SHROOM3: variants seen among roughly 807,000 people sequenced by gnomAD.
SHROOM3 encodes shroom family member 3, also known as protein Shroom3.
SHROOM3 carries 47 observed loss-of-function variants against 138.6 expected under a neutral mutation model. That is an observed-to-expected ratio of 0.34 (90% CI 0.27 to 0.43). SHROOM3 has a LOEUF of 0.43. Ranked by LOEUF, SHROOM3 falls within the 20% of genes least tolerant of loss-of-function variation. The pLI is 1.00. For missense variants in SHROOM3, 2,491 were observed against 2,596.5 expected, an observed-to-expected ratio of 0.96 and a Z score of 0.88; for synonymous variants, 1,062 against 1,063.3, an observed-to-expected ratio of 1.00 and a Z score of 0.02.
At chr4:76,754,044 G>T (rs1721719928) in intron 6 of SHROOM3, among the ~76,000 whole-genome samples, 1 of 152,134 alleles carries the variant, frequency 6.6e-6, no homozygotes, top group African/African-American at 2.4e-5. Flanking sequence ...CAGGATGTGG[G>T]GGCGGTGAGA....
chr4:76,579,295 T>C lies in SHROOM3; in HGVS notation c.323+23532T>C, dbSNP rs183199590. ...CATCCTGGCTAACACGGTGAAACCC[T>C]GTCTCTACTAAAAATGCAAAACATT... On this transcript the variant is annotated intron_variant, in intron 2 of 10. Transcript: ENST00000296043. Among the ~76,000 whole-genome samples, 34 of 151,814 alleles carry C rather than the reference T, an allele frequency of 2.2e-4. No individual in the cohort carries two copies. In the East Asian group the frequency reaches 4.1e-3, roughly 18 times the overall value.
chr4:76,626,148 G>A (rs999629822), intron 2 of SHROOM3, among the ~76,000 whole-genome samples: 6 of 152,184 alleles, frequency 3.9e-5, no homozygotes, highest in African/African-American at 9.7e-5. Flanking sequence ...AAGCACGTAC[G>A]TAGGGCTGCT....
intron 2 of SHROOM3, among the ~76,000 whole-genome samples, chr4:76,611,278 C>T (rs1399418544): frequency 1.3e-5 from 2 of 151,344 alleles, no homozygotes; most frequent in Non-Finnish European, 2.9e-5. Context: ...CTCTTAAAGT[C>T]TGCGTTCTCA....
chr4:76,533,876 T>A (rs2110016968), intron 1 of SHROOM3, among the ~76,000 whole-genome samples: 1 of 152,340 alleles, frequency 6.6e-6, no homozygotes, highest in East Asian at 1.9e-4. Context: ...CACTCCCGTG[T>A]CTCGAGTAGT....
chr4:76,604,719 T>C (rs766914056), intron 2 of SHROOM3, among the ~76,000 whole-genome samples: 2 of 152,212 alleles, frequency 1.3e-5, no homozygotes, highest in African/African-American at 2.4e-5. Context: ...TAAGGCAGTA[T>C]AGGAAACAGA....
chr4:76,676,115 G>T (rs1425724257), intron 2 of SHROOM3, among the ~76,000 whole-genome samples: 2 of 149,260 alleles, frequency 1.3e-5, no homozygotes, highest in African/African-American at 5.0e-5. Flanking sequence ...GATCTCGTTG[G>T]GAATACAGGG....
intron 9 of SHROOM3, among the ~76,000 whole-genome samples, chr4:76,766,375 T>A (rs1299700239): frequency 6.6e-6 from 1 of 152,170 alleles, no homozygotes; most frequent in African/African-American, 2.4e-5. Flanking sequence ...CCTTGTCCAG[T>A]GTTCATCCTG....
intron 2 of SHROOM3, chr4:76,637,589 G>A (rs1425343060): frequency 6.6e-6 from 1 of 152,302 alleles, no homozygotes; most frequent in East Asian, 1.9e-4. Flanking sequence ...TTAGAAGCTG[G>A]TGGTAACTTC....
At chr4:76,569,982 A>G (rs1401713997) in intron 2 of SHROOM3, among the ~76,000 whole-genome samples, 1 of 151,638 alleles carries the variant, frequency 6.6e-6, no homozygotes, top group East Asian at 1.9e-4. Context: ...CATTTGAGCA[A>G]CTCCGTGGTT....
Position 76,601,590 on chromosome 4 carries a change from C to T in SHROOM3, c.323+45827C>T, listed in dbSNP as rs548810102. On this transcript the variant is annotated intron_variant, in intron 2 of 10. Coordinates refer to ENST00000296043, the MANE Select transcript of SHROOM3 (RefSeq NM_020859.4). The stretch of plus-strand genomic sequence containing the variant: ...CGTGATCTCAGCTCACTGCAACCTC[C>T]GCCTCCCAGGTTCAAGCGATTCTCC... Among the ~76,000 whole-genome samples, 759 of 152,250 alleles carry T rather than the reference C, an allele frequency of 5.0e-3. 4 individuals carry two copies. Among genetic ancestry groups the T allele is most frequent in the Admixed American group, 9.0e-3 (137 of 15,286 alleles).
chr4:76,713,938 G>A (rs1375620930), intron 3 of SHROOM3, among the ~76,000 whole-genome samples: 1 of 152,140 alleles, frequency 6.6e-6, no homozygotes, highest in African/African-American at 2.4e-5. Context: ...AACTGTTACT[G>A]ATATGGGACT....
chr4:76,682,516 G>C (rs1719226968), intron 2 of SHROOM3, among the ~76,000 whole-genome samples: 1 of 152,046 alleles, frequency 6.6e-6, no homozygotes, highest in Non-Finnish European at 1.5e-5. Flanking sequence ...ACTACACTGT[G>C]AGTTCCTTGA....
At chr4:76,707,346 C>T (rs1273464368) in intron 2 of SHROOM3, among the ~76,000 whole-genome samples, 3 of 152,332 alleles carry the variant, frequency 2.0e-5, no homozygotes, top group Middle Eastern at 6.8e-3. Flanking sequence ...CATAACTTCT[C>T]TGTATCTCAG....
chr4:76,438,404 G>A (rs1730603056), intron 1 of SHROOM3, among the ~76,000 whole-genome samples: 1 of 152,158 alleles, frequency 6.6e-6, no homozygotes, highest in Admixed American at 6.5e-5. Flanking sequence ...GTCCAATATG[G>A]TGGCCCACAG....
intron 1 of SHROOM3, among the ~76,000 whole-genome samples, chr4:76,448,774 C>T (rs1444582780): frequency 1.3e-5 from 2 of 152,180 alleles, no homozygotes; most frequent in East Asian, 3.9e-4. Context: ...AGATGACCAC[C>T]ATTTAGAGAA....
intron 5 of SHROOM3, among the ~76,000 whole-genome samples, chr4:76,745,079 A>C (rs1354584978): frequency 6.6e-6 from 1 of 152,144 alleles, no homozygotes. Flanking sequence ...GCAACCTTCT[A>C]TTTTCCTCTC....
intron 2 of SHROOM3, among the ~76,000 whole-genome samples, chr4:76,691,256 A>C (rs1449220278): frequency 1.3e-5 from 2 of 152,338 alleles, no homozygotes; most frequent in Middle Eastern, 6.8e-3. Context: ...TTTTAAGAAT[A>C]GGATAAACAT....
intron 2 of SHROOM3, among the ~76,000 whole-genome samples, chr4:76,592,963 A>C (rs1324693507): frequency 6.6e-6 from 1 of 152,154 alleles, no homozygotes; most frequent in East Asian, 1.9e-4. Flanking sequence ...CTTCCTGGAC[A>C]CCCCTTTGAA....
Position 76,754,762 on chromosome 4 carries a change from C to A in SHROOM3, c.4279C>A (p.Pro1427Thr). ...RKRVSLPQWP[P>T]PSRAKWAHAA... ...GAGGGTCTCGCTGCCTCAGTGGCCA[C>A]CTCCTTCTCGAGCAAAGTGGGCCCA... Residue 1427 changes from proline (P) to threonine (T), a missense_variant, in exon 7 of 11, where the codon CCT becomes ACT. Transcript: ENST00000296043. The A allele has an allele frequency of 6.2e-7, 1 of 1,614,170 alleles. No individual in the cohort carries two copies. The highest frequency in any genetic ancestry group is 8.5e-7 in the Non-Finnish European group (1 of 1,179,994).
Sources: allele counts gnomAD v4.1 joint callset (sites outside exome capture counted in the v4.1 genomes callset), GRCh38; gene constraint gnomAD v4.1.1; transcripts MANE v1.5; gene names NCBI Gene and HGNC (gene_info 2026-07-23, HGNC 2026-07-21).